Variants in GPC5 observed in about 807,000 individuals in gnomAD.
GPC5 encodes the protein glypican 5.
Under a neutral mutation model 53.9 loss-of-function variants are expected in GPC5, and 47 were observed. The ratio of observed to expected loss-of-function variants is 0.87; its 90% CI spans 0.69 to 1.11. GPC5 has a LOEUF of 1.11. GPC5 is among the 50% of genes most tolerant of loss of function. GPC5 has a pLI of 0.00. For synonymous variants in GPC5, 286 were observed against 263.3 expected (o/e 1.09, Z -0.84); for missense variants, 748 against 713.1 (o/e 1.05, Z -0.56).
At chr13:92,035,755 T>TAAAA (rs67401983) in intron 6 of GPC5, among the ~76,000 whole-genome samples, 2,001 of 129,362 alleles carry the variant, frequency 0.015, 68 homozygotes, top group African/African-American at 0.055. Context: ...GAGGAAATGT[T>TAAAA]AAAAAAAAAA....
chr13:91,926,305 G>A (rs1190048968), intron 6 of GPC5, among the ~76,000 whole-genome samples: 2 of 147,422 alleles, frequency 1.4e-5, no homozygotes, highest in African/African-American at 2.5e-5. Flanking sequence ...AGGTTGCAGT[G>A]AGCCAAGATC....
intron 5 of GPC5, among the ~76,000 whole-genome samples, chr13:91,801,397 C>A (rs1209659798): frequency 6.6e-6 from 1 of 151,936 alleles, no homozygotes; most frequent in East Asian, 1.9e-4. Context: ...TGTTTCTTGG[C>A]CTGAATAAGA....
intron 6 of GPC5, among the ~76,000 whole-genome samples, chr13:92,043,623 G>A (rs2040958787): frequency 6.6e-6 from 1 of 152,194 alleles, no homozygotes; most frequent in Admixed American, 6.5e-5. Flanking sequence ...CATAGTCACA[G>A]TTCTCTGCAG....
intron 7 of GPC5, among the ~76,000 whole-genome samples, chr13:92,481,987 C>T (rs534524354): frequency 2.6e-5 from 4 of 151,974 alleles, no homozygotes; most frequent in South Asian, 4.2e-4. Flanking sequence ...AAAAATTAGC[C>T]GGGTGTCGGG....
At chr13:92,223,245 T>C (rs559113385) in intron 7 of GPC5, among the ~76,000 whole-genome samples, 2 of 152,328 alleles carry the variant, frequency 1.3e-5, no homozygotes, top group South Asian at 4.1e-4. Flanking sequence ...GGCTTCTTAC[T>C]CTGCTGTTTA....
chr13:92,856,996 A>C (rs563657139), intron 7 of GPC5, among the ~76,000 whole-genome samples: 286 of 151,960 alleles, frequency 1.9e-3, no homozygotes, highest in Middle Eastern at 3.4e-3. Context: ...TATATGGAAC[A>C]AAAAAAAGCC....
intron 7 of GPC5, among the ~76,000 whole-genome samples, chr13:92,576,498 A>G (rs1343862749): frequency 1.3e-5 from 2 of 152,244 alleles, no homozygotes; most frequent in African/African-American, 4.8e-5. Context: ...CACTTCTGCT[A>G]GAGCAAGGTG....
intron 7 of GPC5, among the ~76,000 whole-genome samples, chr13:92,497,486 A>G (rs990810064): frequency 1.3e-5 from 2 of 152,118 alleles, no homozygotes; most frequent in African/African-American, 2.4e-5. Flanking sequence ...TACCAGTACC[A>G]TGTTGTTTTG....
intron 7 of GPC5, among the ~76,000 whole-genome samples, chr13:92,404,466 G>A (rs1423278511): frequency 1.3e-5 from 2 of 152,178 alleles, no homozygotes; most frequent in Non-Finnish European, 2.9e-5. Flanking sequence ...TTGGACAAAA[G>A]CAAGATAATT....
chr13:91,751,005 A>G (rs1015353034), intron 4 of GPC5, among the ~76,000 whole-genome samples: 3 of 151,936 alleles, frequency 2.0e-5, no homozygotes, highest in African/African-American at 7.3e-5. Flanking sequence ...TAGTGTTTCA[A>G]TCCCCTCCTT....
chr13:92,619,451 T>G (rs2139112221), intron 7 of GPC5, among the ~76,000 whole-genome samples: 1 of 152,100 alleles, frequency 6.6e-6, no homozygotes, highest in Admixed American at 6.5e-5. Context: ...ACACACTCTT[T>G]GCAAAGATCG....
At chr13:92,792,667 C>T (rs946754454) in intron 7 of GPC5, among the ~76,000 whole-genome samples, 1 of 152,012 alleles carries the variant, frequency 6.6e-6, no homozygotes, top group Non-Finnish European at 1.5e-5. Flanking sequence ...CACACATAGA[C>T]TCAAAATAAA....
chr13:92,185,498 T>C (rs779424309), intron 7 of GPC5, among the ~76,000 whole-genome samples: 1 of 152,158 alleles, frequency 6.6e-6, no homozygotes, highest in South Asian at 2.1e-4. Flanking sequence ...AGTCATACTT[T>C]AGAGCATTTT....
chr13:92,418,268 T>C (rs186466284), intron 7 of GPC5, among the ~76,000 whole-genome samples: 2 of 152,302 alleles, frequency 1.3e-5, no homozygotes, highest in East Asian at 3.9e-4. Context: ...TTGAGTCCAC[T>C]GGAAATCACT....
intron 2 of GPC5, among the ~76,000 whole-genome samples, chr13:91,679,078 A>G (rs2035448709): frequency 1.3e-5 from 2 of 152,130 alleles, no homozygotes; most frequent in Non-Finnish European, 2.9e-5. Flanking sequence ...GGACTGAGGA[A>G]CCAGTGGAAG....
At chr13:92,205,468 A>C (rs1439834213) in intron 7 of GPC5, among the ~76,000 whole-genome samples, 1 of 152,040 alleles carries the variant, frequency 6.6e-6, no homozygotes. Context: ...AGCCCACTAT[A>C]AATAACAAAG....
intron 7 of GPC5, among the ~76,000 whole-genome samples, chr13:92,849,759 G>T (rs747712436): frequency 2.0e-5 from 3 of 152,056 alleles, no homozygotes; most frequent in Non-Finnish European, 2.9e-5. Flanking sequence ...ATATTTAAAG[G>T]GTAAAAATTA....
At chr13:92,194,951 A>G (rs1249695360) in intron 7 of GPC5, among the ~76,000 whole-genome samples, 3 of 152,216 alleles carry the variant, frequency 2.0e-5, no homozygotes, top group African/African-American at 7.2e-5. Flanking sequence ...GGTAATTATC[A>G]TTGGAAATTC....
At chr13:92,495,647 C>A (rs1879948293) in intron 7 of GPC5, among the ~76,000 whole-genome samples, 1 of 148,706 alleles carries the variant, frequency 6.7e-6, no homozygotes, top group Non-Finnish European at 1.5e-5. Flanking sequence ...TTTTTTCCCA[C>A]AGAGATAAGT....
Sources: gnomAD v4.1 joint callset for allele counts (sites outside exome capture counted in the v4.1 genomes callset) on GRCh38, gnomAD v4.1.1 for gene constraint, MANE v1.5 for transcripts, NCBI Gene and HGNC (gene_info 2026-07-23, HGNC 2026-07-21) for gene names.